ARHGEF18: variants seen among roughly 807,000 people sequenced by gnomAD.
The protein encoded by ARHGEF18 is Rho/Rac guanine nucleotide exchange factor 18, also known as rho guanine nucleotide exchange factor 18.
A neutral mutation model predicts 155.7 loss-of-function variants in ARHGEF18; 93 were observed. That is an observed-to-expected ratio of 0.60 (90% CI 0.50 to 0.71). The LOEUF (loss-of-function observed/expected upper bound fraction) is 0.71. ARHGEF18 is among the 30% of genes least tolerant of loss of function. The pLI is 0.00. For missense variants in ARHGEF18, 1,593 were observed against 1,816.1 expected (o/e 0.88, Z 2.23); for synonymous variants, 742 against 753.1 (o/e 0.99, Z 0.24).
In ARHGEF18 at chr19:7,375,862, C is replaced by A. The variant is rs1332824459; in HGVS notation, c.418C>A (p.Pro140Thr). Reference sequence around the variant, plus strand: ...TGGGGGCGGGACCCCCGCAGAGAGCCCAGGCAAGGTGGGTATAACCTGCAG... The same window carrying A: ...TGGGGGCGGGACCCCCGCAGAGAGCACAGGCAAGGTGGGTATAACCTGCAG... Reference protein sequence around the residue: ...LSGGGTPAESPGKECDSPKKR... With the variant: ...LSGGGTPAESTGKECDSPKKR... Residue 140 changes from proline (P) to threonine (T), a missense_variant, in exon 4 of 29, where the codon CCA becomes ACA. By Grantham distance (38) the Pro-to-Thr change is conservative (BLOSUM62 -1). Coordinates refer to ENST00000668164, the MANE Select transcript of ARHGEF18 (RefSeq NM_001367823.1). The A allele has an allele frequency of 8.1e-7, 1 of 1,234,310 alleles. No homozygotes were observed. Among genetic ancestry groups the A allele is most frequent in the African/African-American group, 1.6e-5 (1 of 64,492 alleles). The allele number at this position is 1,234,310 out of a possible 1,614,324, so 76.5% of individuals were successfully genotyped here.
chr19:7,372,733 C>T (rs1453158939), intron 2 of ARHGEF18, 79 bp from the exon 3 acceptor site: 2 of 1,214,970 alleles, frequency 1.6e-6, no homozygotes, highest in African/African-American at 1.6e-5. Flanking sequence ...GGAGCAGGGA[C>T]CTTGTGGTCA....
chr19:7,461,480 G>A (rs1277222015), intron 20 of ARHGEF18, among the ~76,000 whole-genome samples: 1 of 152,062 alleles, frequency 6.6e-6, no homozygotes, highest in Admixed American at 6.6e-5. Flanking sequence ...AACCCGGGAG[G>A]TGGAGGTTGC....
intron 2 of ARHGEF18, among the ~76,000 whole-genome samples, chr19:7,366,836 C>T (rs1467346466): frequency 6.6e-6 from 1 of 152,032 alleles, no homozygotes; most frequent in Non-Finnish European, 1.5e-5. Flanking sequence ...GATCATAGCT[C>T]ACTGCAACCT....
intron 8 of ARHGEF18, 105 bp downstream of exon 8, chr19:7,381,099 GC>G: frequency 1.2e-6 from 1 of 869,332 alleles, no homozygotes; most frequent in Non-Finnish European, 1.5e-6. Flanking sequence ...AGGAGCTGGA[GC>G]CCCCATCAGG....
At chr19:7,436,812 C>T (rs1422839072) in intron 10 of ARHGEF18, among the ~76,000 whole-genome samples, 5 of 152,216 alleles carry the variant, frequency 3.3e-5, no homozygotes, top group South Asian at 4.2e-4. Context: ...TGGACCGTGT[C>T]GCCTTTGGTT....
rs1260896575 is a variant in ARHGEF18 at position 7,364,049 on chromosome 19, GAAT to G, written c.15+1145_15+1147del. Among the ~76,000 whole-genome samples the G allele has an allele frequency of 3.3e-5, 5 of 150,836 alleles. No homozygotes were observed. The East Asian group carries it at 9.9e-4, about 30-fold the overall frequency. The stretch of plus-strand genomic sequence containing the variant: ...AAGGAAGGAGGATGGATAAATGAAT[GAAT>G]GAAGGAAAGATGGATGGGTAATGGA... On this transcript the variant is annotated intron_variant, in intron 2 of 28. Transcript: ENST00000668164.
At chr19:7,379,095 G>A in intron 6 of ARHGEF18, 27 bp from the exon 7 acceptor site, 2 of 1,232,298 alleles carry the variant, frequency 1.6e-6, no homozygotes, top group Non-Finnish European at 2.0e-6. Context: ...ACCATGGGCT[G>A]TTCTAATCCC....
At chr19:7,437,357 G>A (rs1234591085) in intron 10 of ARHGEF18, among the ~76,000 whole-genome samples, 1 of 151,588 alleles carries the variant, frequency 6.6e-6, no homozygotes, top group Admixed American at 6.6e-5. Flanking sequence ...GGGAGGCAGA[G>A]GTTGCGGTGA....
chr19:7,449,961 A>T (rs1442605131), intron 15 of ARHGEF18, among the ~76,000 whole-genome samples: 1 of 152,176 alleles, frequency 6.6e-6, no homozygotes, highest in Non-Finnish European at 1.5e-5. Context: ...TACAGGCATG[A>T]ACCACCACAT....
intron 6 of ARHGEF18, among the ~76,000 whole-genome samples, chr19:7,378,805 G>T (rs10407852): frequency 0.033 from 4,858 of 147,174 alleles, 263 homozygotes; most frequent in African/African-American, 0.12. Flanking sequence ...TGATTCTCCT[G>T]CCTCAGCCTC....
chr19:7,390,662 C>G (rs1408483326), intron 10 of ARHGEF18: 1 of 152,126 alleles, frequency 6.6e-6, no homozygotes, highest in Non-Finnish European at 1.5e-5. Context: ...CATTTAAAGT[C>G]TTTCAGCCAG....
At chr19:7,437,163 T>C (rs1421650119) in intron 10 of ARHGEF18, among the ~76,000 whole-genome samples, 2 of 152,122 alleles carry the variant, frequency 1.3e-5, no homozygotes, top group Non-Finnish European at 2.9e-5. Flanking sequence ...CTACGGTGGC[T>C]CAAGCCTGTA....
At position 7,395,161 on chromosome 19, in the gene ARHGEF18, CT is replaced by C; in HGVS notation, c.967+11959del. ...CTCCCAGCTGCTAGCTACTGTGGAT[CT>C]GGGGGGGCCGGACGGAGGCATCGGA... On this transcript the variant is annotated intron_variant, in intron 10 of 28. Transcript: ENST00000668164. This position sits in a 1 kb window ranked among gnomAD's most constrained non-coding sequence, Gnocchi z 5.0. The C allele has an allele frequency of 1.0e-6, 1 of 985,954 alleles. No individual in the cohort carries two copies. The highest frequency in any genetic ancestry group is 1.2e-6 in the Non-Finnish European group (1 of 830,328). 61.1% of individuals were successfully genotyped at this position (985,954 alleles called of 1,614,324 possible).
chr19:7,368,395 A>AAG (rs1970040251), intron 2 of ARHGEF18, among the ~76,000 whole-genome samples: 1 of 152,038 alleles, frequency 6.6e-6, no homozygotes, highest in Non-Finnish European at 1.5e-5. Flanking sequence ...TACGATGCTT[A>AAG]CTCAGATACC....
intron 10 of ARHGEF18, among the ~76,000 whole-genome samples, chr19:7,394,217 AG>A: frequency 6.6e-6 from 1 of 151,538 alleles, no homozygotes. Context: ...CCTCTGGAGG[AG>A]TTGGGACCAC....
At position 7,470,115 on chromosome 19, in the gene ARHGEF18, C is replaced by G; in HGVS notation, c.3914-11C>G. 6.2e-7 allele frequency: 1 copy of G among 1,612,358 alleles called. No individual in the cohort carries two copies. Among genetic ancestry groups the G allele is most frequent in the Non-Finnish European group, 8.5e-7 (1 of 1,179,708 alleles). ...GGCGACTGCTCAGTCTGAACCCTCT[C>G]TCTGTTCCAGACCCTGGCTTCCCCG... On this transcript the variant is annotated splice_polypyrimidine_tract_variant and intron_variant, in intron 28 of 28. Coordinates refer to ENST00000668164, the MANE Select transcript of ARHGEF18 (RefSeq NM_001367823.1). The surrounding 1 kb of genome is among the most constrained non-coding windows in gnomAD (Gnocchi z 5.9).
At position 7,440,550 on chromosome 19, in the gene ARHGEF18, C is replaced by T; in HGVS notation, c.1106+68C>T. ...TTCCCCGGGGAGCTGTTGACAGCCT[C>T]TTCGGAGGGAGACCCCGACTTAGAT... is the stretch of plus-strand genomic sequence containing the variant. On this transcript the variant is annotated intron_variant, in intron 11 of 28. Coordinates refer to ENST00000668164, the MANE Select transcript of ARHGEF18 (RefSeq NM_001367823.1). The surrounding 1 kb of genome is among the most constrained non-coding windows in gnomAD (Gnocchi z 5.4). 1 of 1,517,162 alleles carries T rather than the reference C, an allele frequency of 6.6e-7. No individual in the cohort carries two copies. Among genetic ancestry groups the T allele is most frequent in the South Asian group, 1.2e-5 (1 of 80,706 alleles). 94.0% of individuals were successfully genotyped at this position (1,517,162 alleles called of 1,614,324 possible).
intron 13 of ARHGEF18, among the ~76,000 whole-genome samples, chr19:7,443,014 C>T (rs8102014): frequency 0.018 from 2,768 of 151,810 alleles, 84 homozygotes; most frequent in African/African-American, 0.06. Context: ...CTCAGCCTCC[C>T]GAGTAGCTGA....
At chr19:7,399,270 G>A (rs1241106077) in intron 10 of ARHGEF18, among the ~76,000 whole-genome samples, 6 of 152,044 alleles carry the variant, frequency 3.9e-5, no homozygotes, top group Non-Finnish European at 7.4e-5. Flanking sequence ...GGTGAGGGAG[G>A]GAAACTGGGT....
Sources: allele counts gnomAD v4.1 joint callset (sites outside exome capture counted in the v4.1 genomes callset), GRCh38; gene constraint gnomAD v4.1.1; non-coding constraint Gnocchi (gnomAD v3.1); transcripts MANE v1.5; gene names NCBI Gene and HGNC (gene_info 2026-07-23, HGNC 2026-07-21).